Variants in SRRM4 observed in about 807,000 individuals in gnomAD.
SRRM4 encodes the protein serine/arginine repetitive matrix 4, also known as serine/arginine repetitive matrix protein 4.
In SRRM4, 33 loss-of-function variants were observed where a neutral mutation model predicts 68.9. The observed-to-expected ratio is 0.48, with a 90% CI of 0.36 to 0.64. The LOEUF is 0.64. Ranked by LOEUF, SRRM4 falls within the 30% of genes least tolerant of loss-of-function variation. The pLI, the probability that SRRM4 is intolerant of heterozygous loss-of-function variation, is 0.00. For synonymous variants in SRRM4, 318 were observed against 318.8 expected (o/e 1.00, Z 0.03); for missense variants, 817 against 827.1 (o/e 0.99, Z 0.15).
At chr12:119,057,343 C>T (rs1293353117) in intron 1 of SRRM4, among the ~76,000 whole-genome samples, 1 of 152,164 alleles carries the variant, frequency 6.6e-6, no homozygotes, top group East Asian at 1.9e-4. Context: ...CTGATGCTCT[C>T]CCTCTCCCAG....
At chr12:119,033,662 CAAA>C (rs34508021) in intron 1 of SRRM4, among the ~76,000 whole-genome samples, 2 of 139,632 alleles carry the variant, frequency 1.4e-5, no homozygotes, top group African/African-American at 2.7e-5. Context: ...GACTCCATCT[CAAA>C]AAAAAAAAAA....
chr12:119,147,704 A>G (rs1466632890), intron 9 of SRRM4, among the ~76,000 whole-genome samples: 1 of 152,180 alleles, frequency 6.6e-6, no homozygotes, highest in Non-Finnish European at 1.5e-5. Flanking sequence ...GAACATTGAG[A>G]TTTCTCCATT....
At chr12:118,995,626 A>C in intron 1 of SRRM4, among the ~76,000 whole-genome samples, 1 of 152,222 alleles carries the variant, frequency 6.6e-6, no homozygotes, top group African/African-American at 2.4e-5. Context: ...AATGAGAAAC[A>C]GACAAGGAGA....
At chr12:119,061,338 G>C (rs1026654910) in intron 1 of SRRM4, among the ~76,000 whole-genome samples, 1 of 152,162 alleles carries the variant, frequency 6.6e-6, no homozygotes, top group Non-Finnish European at 1.5e-5. Flanking sequence ...TGGGTGTGTT[G>C]GCAGAACTTC....
At chr12:119,108,638 C>A (rs1954122461) in intron 2 of SRRM4, among the ~76,000 whole-genome samples, 1 of 143,292 alleles carries the variant, frequency 7.0e-6, no homozygotes, top group African/African-American at 2.7e-5. Flanking sequence ...GGATTGCAAC[C>A]CCTGTTTGTT....
At chr12:119,072,480 G>T (rs1592886821) in intron 1 of SRRM4, among the ~76,000 whole-genome samples, 1 of 152,170 alleles carries the variant, frequency 6.6e-6, no homozygotes, top group African/African-American at 2.4e-5. Context: ...TCCCCAGGCT[G>T]TTGGGGAAGG....
intron 9 of SRRM4, 120 bp downstream of exon 9, chr12:119,145,805 A>C (rs1954398667): frequency 7.5e-6 from 7 of 932,084 alleles, no homozygotes; most frequent in Non-Finnish European, 1.0e-5. Flanking sequence ...AAGAGAGATG[A>C]AACTCAACTC....
intron 1 of SRRM4, among the ~76,000 whole-genome samples, chr12:119,096,597 T>C (rs1360395633): frequency 6.6e-6 from 1 of 152,212 alleles, no homozygotes; most frequent in South Asian, 2.1e-4. Flanking sequence ...GCAACTCTAC[T>C]AGCCAGAGCT....
chr12:119,098,524 C>G (rs1954058782), intron 1 of SRRM4, among the ~76,000 whole-genome samples: 1 of 152,228 alleles, frequency 6.6e-6, no homozygotes. Context: ...CTGATGTTCA[C>G]TAAGCAGCAG....
At chr12:119,092,851 GCCC>G (rs1954022302) in intron 1 of SRRM4, among the ~76,000 whole-genome samples, 2 of 150,686 alleles carry the variant, frequency 1.3e-5, no homozygotes, top group African/African-American at 4.9e-5. Context: ...CCCTGTGAAA[GCCC>G]ACCAGATTCT....
chr12:119,048,166 C>T lies in SRRM4; in HGVS notation c.132-54070C>T, dbSNP rs116382835. On this transcript the variant is annotated intron_variant, in intron 1 of 12. Transcript: ENST00000267260. ...CCCTGTGAAACAAGAATTAGAACCCCTATTTTACAGTGGGGACACTGGATC... is the reference window on the plus strand; with the variant it reads ...CCCTGTGAAACAAGAATTAGAACCCTTATTTTACAGTGGGGACACTGGATC... 6.1e-3 allele frequency among the ~76,000 whole-genome samples: 922 copies of T among 152,268 alleles called. 12 individuals carry two copies. The highest frequency in any genetic ancestry group is 0.02 in the African/African-American group (841 of 41,540).
intron 1 of SRRM4, among the ~76,000 whole-genome samples, chr12:119,035,538 A>C (rs546352020): frequency 2.2e-4 from 33 of 152,154 alleles, no homozygotes; most frequent in African/African-American, 6.0e-4. Context: ...TGTATCTTTT[A>C]CTTTTCCTTT....
intron 3 of SRRM4, among the ~76,000 whole-genome samples, chr12:119,115,559 C>T (rs1020545774): frequency 3.9e-5 from 6 of 152,108 alleles, no homozygotes; most frequent in Non-Finnish European, 8.8e-5. Context: ...CACAGACACC[C>T]CTTAGCCTCA....
chr12:119,133,429 G>T (rs1358187324), intron 8 of SRRM4, among the ~76,000 whole-genome samples: 4 of 152,114 alleles, frequency 2.6e-5, no homozygotes, highest in Non-Finnish European at 5.9e-5. Context: ...AGGCTGGGCT[G>T]GGACTAGAGC....
chr12:119,090,944 C>G (rs919539486), intron 1 of SRRM4, among the ~76,000 whole-genome samples: 1 of 152,186 alleles, frequency 6.6e-6, no homozygotes, highest in Non-Finnish European at 1.5e-5. Context: ...CCCACTGAAG[C>G]CCTTTATCTC....
intron 1 of SRRM4, among the ~76,000 whole-genome samples, chr12:119,076,553 T>C (rs1458481848): frequency 6.6e-6 from 1 of 152,222 alleles, no homozygotes; most frequent in African/African-American, 2.4e-5. Context: ...TTTGAACTTC[T>C]CATATATTAA....
chr12:119,079,452 G>C (rs1478895397), intron 1 of SRRM4, among the ~76,000 whole-genome samples: 1 of 152,158 alleles, frequency 6.6e-6, no homozygotes, highest in Non-Finnish European at 1.5e-5. Context: ...CAATTAGAAG[G>C]CTACAGTCCA....
At position 119,153,152 on chromosome 12, in the gene SRRM4, C is replaced by A. The variant is rs7132524; in HGVS notation, c.1281-387C>A. On this transcript the variant is annotated intron_variant, in intron 10 of 12. Transcript: ENST00000267260. ...TAGTCATAGCTAACATTTCCTATGT[C>A]CTGTCTAATTGATACTTAGCATAGG... Among the ~76,000 whole-genome samples, 1,442 of 152,288 alleles carry A rather than the reference C, an allele frequency of 9.5e-3. 25 individuals carry two copies. The highest frequency in any genetic ancestry group is 0.033 in the African/African-American group (1,362 of 41,540).
At chr12:119,059,651 G>A (rs894515392) in intron 1 of SRRM4, among the ~76,000 whole-genome samples, 1 of 152,158 alleles carries the variant, frequency 6.6e-6, no homozygotes, top group African/African-American at 2.4e-5. Flanking sequence ...AAGGGATTCT[G>A]CTGTGCAACA....
Sources: allele counts gnomAD v4.1 joint callset (sites outside exome capture counted in the v4.1 genomes callset), GRCh38; gene constraint gnomAD v4.1.1; transcripts MANE v1.5; gene names NCBI Gene and HGNC (gene_info 2026-07-23, HGNC 2026-07-21).